The following SYNE2 variants were observed in gnomAD, a reference collection of about 807,000 sequenced individuals.
The protein encoded by SYNE2 is nesprin-2.
A neutral mutation model predicts 856.3 loss-of-function variants in SYNE2; 431 were observed. The ratio of observed to expected loss-of-function variants is 0.50; its 90% CI spans 0.47 to 0.55. The LOEUF is 0.55. Ranked by LOEUF, SYNE2 falls within the 20% of genes least tolerant of loss-of-function variation. The pLI is 0.00. For missense variants in SYNE2, 8,129 were observed against 8,023.2 expected (o/e 1.01, Z -0.50); for synonymous variants, 2,923 against 2,872.3 (o/e 1.02, Z -0.56).
At chr14:64,054,211 G>A (rs560882486) in intron 48 of SYNE2, among the ~76,000 whole-genome samples, 1 of 152,166 alleles carries the variant, frequency 6.6e-6, no homozygotes, top group East Asian at 1.9e-4. Context: ...TCTTATTTCT[G>A]TTTTCCTCGT....
At chr14:64,206,432 T>C (rs2098605563) in intron 100 of SYNE2, among the ~76,000 whole-genome samples, 1 of 152,238 alleles carries the variant, frequency 6.6e-6, no homozygotes, top group African/African-American at 2.4e-5. Context: ...GGTCTGCATT[T>C]TAAAATGTAG....
chr14:64,138,946 G>GTATGGTGTGTGTGTGTGTGTGT (rs1465109787), intron 79 of SYNE2, among the ~76,000 whole-genome samples: 1 of 137,696 alleles, frequency 7.3e-6, no homozygotes, highest in African/African-American at 2.8e-5. Flanking sequence ...GTGTATGTAT[G>GTATGGTGTGTGTGTGTGTGTGT]GTGTGTGTGT....
intron 1 of SYNE2, among the ~76,000 whole-genome samples, chr14:63,816,386 C>T (rs1431678903): frequency 6.6e-6 from 1 of 152,196 alleles, no homozygotes; most frequent in African/African-American, 2.4e-5. Flanking sequence ...AACAATCTAT[C>T]AACTCAGCTT....
chr14:64,216,375 T>A lies in SYNE2; in HGVS notation c.19530T>A (p.Tyr6510Ter), dbSNP rs1484966606. The A allele has an allele frequency of 1.2e-6, 2 of 1,614,096 alleles. No individual in the cohort carries two copies. The highest frequency in any genetic ancestry group is 2.7e-5 in the African/African-American group (2 of 74,938). Residue 6510 changes from tyrosine (Y) to a stop codon, truncating the protein, a stop_gained, in exon 108 of 116, where the codon TAT becomes TAA. Transcript: ENST00000555002. LOFTEE classifies it high-confidence loss of function. Reference sequence around the variant, plus strand: ...TTCCCCCTGCGTCCAGCACCCCTTATAAACCACCCTATGTAAGTCTTAACT... The same window carrying A: ...TTCCCCCTGCGTCCAGCACCCCTTAAAAACCACCCTATGTAAGTCTTAACT... ...PPVPPASSTPYKPPYGKLLLP... is the reference protein window; with the variant it reads ...PPVPPASSTP
At chr14:63,777,103 G>A (rs1217050384) in intron 1 of SYNE2, among the ~76,000 whole-genome samples, 1 of 152,178 alleles carries the variant, frequency 6.6e-6, no homozygotes, top group African/African-American at 2.4e-5. Flanking sequence ...TTAAACTACT[G>A]TCTGGGAGGA....
At chr14:64,008,657 A>G (rs76617254) in intron 31 of SYNE2, among the ~76,000 whole-genome samples, 3,755 of 152,062 alleles carry the variant, frequency 0.025, 79 homozygotes, top group East Asian at 0.056. Flanking sequence ...CCCTCTTACT[A>G]TCTACATGAG....
At chr14:64,159,161 C>A in intron 86 of SYNE2, 151 bp from the exon 87 acceptor site, 1 of 1,071,888 alleles carries the variant, frequency 9.3e-7, no homozygotes, top group Non-Finnish European at 1.4e-6. Context: ...AGAATGCCTT[C>A]TCCATTGTTT....
chr14:64,144,711 G>A (rs2098167101), intron 83 of SYNE2, among the ~76,000 whole-genome samples: 1 of 152,148 alleles, frequency 6.6e-6, no homozygotes, highest in Admixed American at 6.5e-5. Flanking sequence ...TTTGGAAAAT[G>A]TAAAGAACCG....
chr14:64,177,575 G>A, intron 96 of SYNE2, 92 bp downstream of exon 96: 3 of 1,519,160 alleles, frequency 2.0e-6, no homozygotes, highest in East Asian at 2.3e-5. Context: ...TATTGAAACT[G>A]AGTTTTCATT....
chr14:64,223,258 C>G lies in SYNE2; in HGVS notation c.20260C>G (p.Leu6754Val). 6.2e-7 allele frequency: 1 copy of G among 1,614,184 alleles called. No individual in the cohort carries two copies. Among genetic ancestry groups the G allele is most frequent in the Non-Finnish European group, 8.5e-7 (1 of 1,180,038 alleles). Reference protein sequence around the residue: ...DMLQEISNSLLIKGHGEDCIE... With the variant: ...DMLQEISNSLVIKGHGEDCIE... ...GTTACAGGAGATTTCAAACAGCCTT[C>G]TCATTAAGGGACATGGAGAAGACTG... Residue 6754 changes from leucine (L) to valine (V), a missense_variant, in exon 113 of 116, where the codon CTC (leucine) becomes GTC (valine). By Grantham distance (32) the Leu-to-Val change is conservative. Around this residue, in one of 3 missense-constraint regions of SYNE2, gnomAD observed 5,410 missense variants for 5,284.8 expected, o/e 1.02. Transcript: ENST00000555002.
intron 98 of SYNE2, among the ~76,000 whole-genome samples, chr14:64,189,334 CAA>C (rs535544098): frequency 7.6e-6 from 1 of 132,372 alleles, no homozygotes; most frequent in Non-Finnish European, 1.6e-5. Context: ...AATTCCATCT[CAA>C]AAAAAAAAAA....
Position 64,219,308 on chromosome 14 carries a change from C to A in SYNE2, c.19758C>A (p.Ile6586=). Residue 6586 remains isoleucine, a synonymous_variant, in exon 110 of 116, where the codon ATC becomes ATA. Coordinates refer to ENST00000555002, the MANE Select transcript of SYNE2 (RefSeq NM_182914.3). ...LQQLNSDISA[I]TTWLKKTEAE... ...AGCTGAACTCTGATATCAGCGCCAT[C>A]ACTACTTGGCTGAAAAAAACTGAAG... is the stretch of plus-strand genomic sequence containing the variant. 6.2e-7 allele frequency: 1 copy of A among 1,613,990 alleles called. No homozygotes were observed. Among genetic ancestry groups the A allele is most frequent in the South Asian group, 1.1e-5 (1 of 91,074 alleles).
intron 1 of SYNE2, among the ~76,000 whole-genome samples, chr14:63,866,764 G>A (rs980842367): frequency 9.9e-5 from 15 of 152,142 alleles, no homozygotes; most frequent in African/African-American, 3.4e-4. Context: ...TCGAGCCCAG[G>A]AATTCAAGAC....
At chr14:63,895,552 A>G (rs1316187429) in intron 1 of SYNE2, among the ~76,000 whole-genome samples, 2 of 149,168 alleles carry the variant, frequency 1.3e-5, no homozygotes, top group Non-Finnish European at 3.0e-5. Context: ...TGGGAGTTTG[A>G]GACCAGCCTG....
chr14:63,802,733 G>A (rs985920721), intron 1 of SYNE2, among the ~76,000 whole-genome samples: 3 of 152,164 alleles, frequency 2.0e-5, no homozygotes, highest in Admixed American at 6.5e-5. Flanking sequence ...ATGTTCAGAT[G>A]TGTTCGGAGT....
In SYNE2 at chr14:63,982,704, A is replaced by C; in HGVS notation, c.1911A>C (p.Glu637Asp). ...TLNEAGNFLV[E>D]VSNDVVGSSI... Reference sequence around the variant, plus strand: ...ATGAAGCAGGAAATTTCTTAGTCGAAGTCAGCAATGATGTGGTTGGATCAT... The same window carrying C: ...ATGAAGCAGGAAATTTCTTAGTCGACGTCAGCAATGATGTGGTTGGATCAT... Residue 637 changes from glutamate to aspartate, a missense_variant, in exon 17 of 116, where the codon GAA becomes GAC. Around this residue, in one of 3 missense-constraint regions of SYNE2, gnomAD observed 2,422 missense variants for 2,357.4 expected, o/e 1.03. Transcript: ENST00000555002. 2 of 1,614,100 alleles carry C rather than the reference A, an allele frequency of 1.2e-6. No homozygotes were observed. Among genetic ancestry groups the C allele is most frequent in the Non-Finnish European group, 1.7e-6 (2 of 1,179,986 alleles).
chr14:64,192,351 C>T (rs558961109), intron 99 of SYNE2, among the ~76,000 whole-genome samples: 9 of 152,106 alleles, frequency 5.9e-5, no homozygotes, highest in Non-Finnish European at 1.3e-4. Flanking sequence ...ATGGATCATA[C>T]AGGATCAAGA....
At chr14:63,890,551 G>A (rs546914773) in intron 1 of SYNE2, among the ~76,000 whole-genome samples, 3 of 152,260 alleles carry the variant, frequency 2.0e-5, no homozygotes, top group Admixed American at 2.0e-4. Flanking sequence ...TCCATGGCTT[G>A]CCTCTGGAGA....
At chr14:63,924,621 T>C (rs547651059) in intron 2 of SYNE2, among the ~76,000 whole-genome samples, 2 of 152,328 alleles carry the variant, frequency 1.3e-5, no homozygotes, top group East Asian at 3.9e-4. Context: ...TTTGATGCCA[T>C]TATGAATGAT....
Sources: allele counts gnomAD v4.1 joint callset (sites outside exome capture counted in the v4.1 genomes callset), GRCh38; gene constraint gnomAD v4.1.1; regional missense constraint gnomAD v4.1.1; transcripts MANE v1.5; gene names NCBI Gene and HGNC (gene_info 2026-07-23, HGNC 2026-07-21).